The following RIT2 variants were observed in gnomAD, a reference collection of about 807,000 sequenced individuals.
RIT2 encodes the protein GTP-binding protein Rit2.
In RIT2, 24 loss-of-function variants were observed where a neutral mutation model predicts 23.7. The ratio of observed to expected loss-of-function variants is 1.01; its 90% CI spans 0.73 to 1.43. The LOEUF (loss-of-function observed/expected upper bound fraction) is 1.43, where lower values mean the gene tolerates loss of function less well. Among genes scored for constraint, RIT2 ranks in the 40% most tolerant of loss-of-function variants. RIT2 has a pLI of 0.00. For synonymous variants in RIT2, 107 were observed against 91.1 expected (o/e 1.17, Z -0.99); for missense variants, 236 against 266.9 (o/e 0.88, Z 0.81).
At chr18:42,936,697 G>C (rs1438922601) in intron 3 of RIT2, among the ~76,000 whole-genome samples, 1 of 151,986 alleles carries the variant, frequency 6.6e-6, no homozygotes, top group South Asian at 2.1e-4. Context: ...TTCATATCAC[G>C]GTGAGTACAT....
intron 1 of RIT2, among the ~76,000 whole-genome samples, chr18:43,091,652 G>A (rs80193676): frequency 0.013 from 1,938 of 152,014 alleles, 25 homozygotes; most frequent in African/African-American, 0.034. Context: ...ATTGTTCTCC[G>A]GAAATTAAAA....
chr18:42,882,602 G>A (rs1425554531), intron 4 of RIT2, among the ~76,000 whole-genome samples: 1 of 152,132 alleles, frequency 6.6e-6, no homozygotes, highest in African/African-American at 2.4e-5. Flanking sequence ...CATAAAAAGA[G>A]GTCAGAAGTT....
At chr18:43,004,999 G>A (rs1300457462) in intron 2 of RIT2, among the ~76,000 whole-genome samples, 2 of 151,782 alleles carry the variant, frequency 1.3e-5, no homozygotes, top group African/African-American at 2.4e-5. Flanking sequence ...AATATTTTTT[G>A]TGTAACCTCT....
intron 1 of RIT2, among the ~76,000 whole-genome samples, chr18:43,112,769 T>C (rs886779616): frequency 1.3e-5 from 2 of 151,972 alleles, no homozygotes; most frequent in African/African-American, 4.8e-5. Flanking sequence ...GAATAAATAT[T>C]AATATACATA....
chr18:42,780,777 T>C (rs970323861), intron 4 of RIT2, among the ~76,000 whole-genome samples: 14 of 151,948 alleles, frequency 9.2e-5, no homozygotes, highest in Admixed American at 5.3e-4. Flanking sequence ...TAATGCGCCA[T>C]GTCTGACTCA....
At chr18:42,900,617 A>C (rs1463184249) in intron 4 of RIT2, among the ~76,000 whole-genome samples, 1 of 152,054 alleles carries the variant, frequency 6.6e-6, no homozygotes, top group Non-Finnish European at 1.5e-5. Context: ...CTGTCTTCTA[A>C]TACAGGCTTC....
intron 3 of RIT2, among the ~76,000 whole-genome samples, chr18:42,942,707 C>T (rs1470287124): frequency 6.6e-6 from 1 of 151,968 alleles, no homozygotes; most frequent in African/African-American, 2.4e-5. Context: ...GTGAGTGTGG[C>T]CAGCAATGGG....
intron 2 of RIT2, among the ~76,000 whole-genome samples, chr18:43,022,438 G>A (rs143020911): frequency 4.3e-4 from 66 of 152,204 alleles, no homozygotes; most frequent in Admixed American, 8.5e-4. Flanking sequence ...ATTGAAAATA[G>A]CTAGAATGTA....
At chr18:42,952,744 T>TATG (rs1331761606) in intron 3 of RIT2, among the ~76,000 whole-genome samples, 5 of 152,006 alleles carry the variant, frequency 3.3e-5, no homozygotes, top group Admixed American at 3.3e-4. Context: ...AAAAATATAC[T>TATG]ACATACATAC....
chr18:42,880,691 A>C (rs1003233651), intron 4 of RIT2, among the ~76,000 whole-genome samples: 1 of 151,690 alleles, frequency 6.6e-6, no homozygotes, highest in Non-Finnish European at 1.5e-5. Context: ...CTTCATATAC[A>C]TTGATGACTT....
Position 42,893,286 on chromosome 18 carries a change from C to T in RIT2, c.426+30286G>A, listed in dbSNP as rs183448390. On this transcript the variant is annotated intron_variant, in intron 4 of 4. Transcript: ENST00000326695. The stretch of plus-strand genomic sequence containing the variant: ...TATGCTGTGCTGCTATAATAAAATA[C>T]CTTAGTCTTGTTAATGCAAATAATA... Among the ~76,000 whole-genome samples the T allele has an allele frequency of 1.6e-3, 239 of 149,778 alleles. 1 individual carries two copies. The highest frequency in any genetic ancestry group is 5.5e-3 in the African/African-American group (226 of 40,764).
chr18:42,931,947 C>T (rs928825046), intron 3 of RIT2, among the ~76,000 whole-genome samples: 8 of 152,144 alleles, frequency 5.3e-5, no homozygotes, highest in South Asian at 2.1e-4. Flanking sequence ...CATACCCACA[C>T]GTGCTTTCTC....
chr18:43,085,092 A>C (rs4471782), intron 1 of RIT2, among the ~76,000 whole-genome samples: 15,819 of 152,084 alleles, frequency 0.1, 896 homozygotes, highest in Non-Finnish European at 0.11. Context: ...GAAATGCTGT[A>C]GTGGCTTTGC....
intron 2 of RIT2, among the ~76,000 whole-genome samples, chr18:42,997,285 T>C (rs1911006843): frequency 6.6e-6 from 1 of 152,172 alleles, no homozygotes; most frequent in African/African-American, 2.4e-5. Flanking sequence ...TTTTTGTTTT[T>C]TATTTTTTTC....
intron 3 of RIT2, among the ~76,000 whole-genome samples, chr18:42,965,621 G>GA (rs942821752): frequency 1.6e-5 from 2 of 127,872 alleles, no homozygotes; most frequent in African/African-American, 5.9e-5. Context: ...AATTAGGGAA[G>GA]AAAAAACTTT....
Position 43,060,995 on chromosome 18 carries a change from G to A in RIT2, c.104-27128C>T, listed in dbSNP as rs150104517. On this transcript the variant is annotated intron_variant, in intron 1 of 4. Transcript: ENST00000326695. The stretch of plus-strand genomic sequence containing the variant: ...GCATACCCATAGCAAGTGTTTTCAT[G>A]CACTCATTTAATGTATTATAACAAT... 1.1e-3 allele frequency among the ~76,000 whole-genome samples: 170 copies of A among 152,124 alleles called. 1 individual carries two copies. The highest frequency in any genetic ancestry group is 3.7e-3 in the African/African-American group (154 of 41,524).
intron 2 of RIT2, among the ~76,000 whole-genome samples, chr18:43,017,168 A>T (rs1911493481): frequency 6.6e-6 from 1 of 151,970 alleles, no homozygotes; most frequent in Non-Finnish European, 1.5e-5. Context: ...CACACTCTAC[A>T]TTTTAAAAAT....
At chr18:42,866,319 A>T (rs781309749) in intron 4 of RIT2, among the ~76,000 whole-genome samples, 10 of 152,208 alleles carry the variant, frequency 6.6e-5, no homozygotes, top group Non-Finnish European at 1.5e-4. Flanking sequence ...TATAATGTTG[A>T]TTAATATTTG....
chr18:42,992,482 A>T (rs1166356975), intron 2 of RIT2, among the ~76,000 whole-genome samples: 1 of 151,890 alleles, frequency 6.6e-6, no homozygotes, highest in African/African-American at 2.4e-5. Flanking sequence ...TCCCAACCCC[A>T]AGCGTTGCTG....
Sources: gnomAD v4.1 joint callset for allele counts (sites outside exome capture counted in the v4.1 genomes callset) on GRCh38, gnomAD v4.1.1 for gene constraint, MANE v1.5 for transcripts, NCBI Gene and HGNC (gene_info 2026-07-23, HGNC 2026-07-21) for gene names.